GLP1R: variants seen among roughly 807,000 people sequenced by gnomAD.
GLP1R encodes glucagon-like peptide 1 receptor.
A neutral mutation model predicts 68.4 loss-of-function variants in GLP1R; 32 were observed. The observed-to-expected ratio is 0.47, with a 90% CI of 0.35 to 0.63. The LOEUF is 0.63. GLP1R is among the 20% of genes least tolerant of loss of function. GLP1R has a pLI of 0.00. For missense variants in GLP1R, 502 were observed against 594.9 expected (o/e 0.84, Z 1.62); for synonymous variants, 263 against 244.4 (o/e 1.08, Z -0.71).
chr6:39,081,279 A>T (rs1195697485), intron 12 of GLP1R, among the ~76,000 whole-genome samples: 3 of 152,186 alleles, frequency 2.0e-5, no homozygotes, highest in African/African-American at 7.2e-5. Flanking sequence ...CTTTTGGCTA[A>T]GGTGAAGTGT....
At chr6:39,072,755 C>T in intron 5 of GLP1R, 107 bp from the exon 6 acceptor site, 3 of 940,752 alleles carry the variant, frequency 3.2e-6, no homozygotes, top group African/African-American at 1.6e-5. Flanking sequence ...CACGCACAGT[C>T]CCAGGGCTGG....
intron 1 of GLP1R, among the ~76,000 whole-genome samples, chr6:39,055,474 G>A (rs1186073903): frequency 2.0e-5 from 3 of 152,172 alleles, no homozygotes; most frequent in Non-Finnish European, 2.9e-5. Flanking sequence ...AAGGAATGGT[G>A]GATTCTCAGT....
intron 5 of GLP1R, among the ~76,000 whole-genome samples, chr6:39,068,758 G>C: frequency 6.6e-6 from 1 of 151,986 alleles, no homozygotes; most frequent in East Asian, 1.9e-4. Flanking sequence ...GGTGGCCCTG[G>C]GCAGTGACTT....
At chr6:39,065,546 G>A (rs1168094811) in intron 3 of GLP1R, among the ~76,000 whole-genome samples, 165 bp from the exon 4 acceptor site, 3 of 152,208 alleles carry the variant, frequency 2.0e-5, no homozygotes, top group East Asian at 3.8e-4. Flanking sequence ...AGGTGTGTGT[G>A]TGTGTGTTTG....
chr6:39,079,001 G>A lies in GLP1R; in HGVS notation c.929G>A (p.Arg310Gln), dbSNP rs149578908. 16 of 1,614,078 alleles carry A rather than the reference G, an allele frequency of 9.9e-6. No homozygotes were observed. The highest frequency in any genetic ancestry group is 1.6e-4 in the Middle Eastern group (1 of 6,062). Residue 310 changes from arginine to glutamine, a missense_variant, in exon 9 of 13, where the codon CGG (arginine) becomes CAG (glutamine). Coordinates refer to ENST00000373256, the MANE Select transcript of GLP1R (RefSeq NM_002062.5). The surrounding 1 kb of genome is among the most constrained non-coding windows in gnomAD (Gnocchi z 4.5). The part of the protein sequence containing the change: ...NSNMNYWLII[R>Q]LPILFAIGVN... ...AACATGAACTACTGGCTCATTATCC[G>A]GCTGCCCATTCTCTTTGCCATTGGG... is the stretch of plus-strand genomic sequence containing the variant.
Position 39,073,600 on chromosome 6 carries a change from C to T in GLP1R, c.664-10C>T. 6.2e-7 allele frequency: 1 copy of T among 1,613,102 alleles called. No homozygotes were observed. Among genetic ancestry groups the T allele is most frequent in the Non-Finnish European group, 8.5e-7 (1 of 1,179,512 alleles). ...CTGTTGTCCCCATGACACCCTTCCTCTACCCCCAGGACTCTCTGAGCTGCC... is the reference window on the plus strand; with the variant it reads ...CTGTTGTCCCCATGACACCCTTCCTTTACCCCCAGGACTCTCTGAGCTGCC... On this transcript the variant is annotated splice_polypyrimidine_tract_variant and intron_variant, in intron 6 of 12. Transcript: ENST00000373256.
At chr6:39,078,811 A>G in intron 8 of GLP1R, 146 bp from the exon 9 acceptor site, 2 of 720,226 alleles carry the variant, frequency 2.8e-6, no homozygotes, top group Admixed American at 2.0e-5. Flanking sequence ...CTGTGGGTCC[A>G]TGGGACTGGT....
intron 5 of GLP1R, among the ~76,000 whole-genome samples, chr6:39,066,548 C>T (rs975667522): frequency 3.9e-5 from 6 of 152,196 alleles, no homozygotes; most frequent in African/African-American, 9.7e-5. Context: ...AAAAATACCA[C>T]GCAAGCACCA....
chr6:39,066,950 T>G (rs899541505), intron 5 of GLP1R, among the ~76,000 whole-genome samples: 1 of 152,210 alleles, frequency 6.6e-6, no homozygotes, highest in Non-Finnish European at 1.5e-5. Flanking sequence ...GGCACAGTCC[T>G]GGGCACACGG....
rs552834463 is a variant in GLP1R at position 39,061,122 on chromosome 6, G to A, written c.283+3543G>A. Among the ~76,000 whole-genome samples the A allele has an allele frequency of 2.6e-5, 4 of 152,248 alleles. No individual in the cohort carries two copies. The East Asian group carries it at 5.8e-4, about 22-fold the overall frequency. On this transcript the variant is annotated intron_variant, in intron 3 of 12. Coordinates refer to ENST00000373256, the MANE Select transcript of GLP1R (RefSeq NM_002062.5). ...GCCAGGCCACGGGCCTCGGAACTAC[G>A]CAGTGTCCTGGAGAAGCCAGCCAAG... is the stretch of plus-strand genomic sequence containing the variant.
intron 1 of GLP1R, among the ~76,000 whole-genome samples, chr6:39,055,928 C>T (rs1165782171): frequency 1.3e-5 from 2 of 152,096 alleles, no homozygotes; most frequent in African/African-American, 4.8e-5. Context: ...GGCTGTGCAC[C>T]CTTGATTCAG....
At chr6:39,066,584 T>C (rs2150828197) in intron 5 of GLP1R, among the ~76,000 whole-genome samples, 1 of 152,300 alleles carries the variant, frequency 6.6e-6, no homozygotes, top group South Asian at 2.1e-4. Context: ...TAACCGTCGG[T>C]GATGGGATTA....
chr6:39,080,486 T>C (rs1337978258), intron 11 of GLP1R, among the ~76,000 whole-genome samples: 1 of 152,210 alleles, frequency 6.6e-6, no homozygotes, highest in East Asian at 1.9e-4. Flanking sequence ...AGCTGGGGCC[T>C]GTAGCCAGGC....
rs201338954 is a variant in GLP1R at position 39,056,476 on chromosome 6, A to G, written c.158A>G (p.Asp53Gly). 8 of 1,594,264 alleles carry G rather than the reference A, an allele frequency of 5.0e-6. No individual in the cohort carries two copies. Among genetic ancestry groups the G allele is most frequent in the Admixed American group, 1.7e-5 (1 of 59,984 alleles). The change falls in exon 2 of 13, where the codon GAT (aspartate) becomes GGT (glycine). Residue 53 changes from aspartate to glycine, a missense_variant. Physicochemically the swap from Asp to Gly is moderately conservative, Grantham distance 94 (BLOSUM62 -1). Transcript: ENST00000373256. ...CAGTGCCAGCGCTCCCTGACTGAGG[A>G]TCCACCTCCTGCCACAGGTGAGTCC... ...RRQCQRSLTE[D>G]PPPATDLFCN...
In GLP1R at chr6:39,078,371, T is replaced by C. The variant is rs758906883; in HGVS notation, c.873T>C (p.Tyr291=). The change falls in exon 8 of 13, where the codon TAT becomes TAC. Residue 291 remains tyrosine, a synonymous_variant. Coordinates refer to ENST00000373256, the MANE Select transcript of GLP1R (RefSeq NM_002062.5). ...CCTGGGGCATTGTCAAGTACCTCTA[T>C]GAGGACGAGGGGTGAGTGTCCTGCT... The part of the protein sequence containing the change: ...VVPWGIVKYL[Y]EDEGCWTRNS... The C allele has an allele frequency of 2.5e-6, 4 of 1,611,002 alleles. No individual in the cohort carries two copies. Among genetic ancestry groups the C allele is most frequent in the Non-Finnish European group, 8.5e-7 (1 of 1,177,200 alleles).
Position 39,073,097 on chromosome 6 carries a change from A to G in GLP1R, c.663+82A>G, listed in dbSNP as rs1366990512. Reference sequence around the variant, plus strand: ...CTCTGCCACCCTAGACAGGCCTGGGACAGGAGAAGACAAGAGCCGAACAGT... The same window carrying G: ...CTCTGCCACCCTAGACAGGCCTGGGGCAGGAGAAGACAAGAGCCGAACAGT... On this transcript the variant is annotated intron_variant, in intron 6 of 12. Coordinates refer to ENST00000373256, the MANE Select transcript of GLP1R (RefSeq NM_002062.5). The G allele has an allele frequency of 3.1e-6, 4 of 1,304,170 alleles. No homozygotes were observed. In the Admixed American group the frequency reaches 7.5e-5, roughly 25 times the overall value. The allele number at this position is 1,304,170 out of a possible 1,614,324, so 80.8% of individuals were successfully genotyped here.
rs1422038041 is a variant in GLP1R at position 39,090,819 on chromosome 6, A to T, written c.*4746A>T. On this transcript the variant is annotated 3_prime_UTR_variant, in exon 13 of 13. Transcript: ENST00000373256. ...AAGAGCTCTCACCACAATTTGAAAC[A>T]TATAAAAAGTTGAGTTCTTTGCAGG... Among the ~76,000 whole-genome samples, 1 of 152,194 alleles carries T rather than the reference A, an allele frequency of 6.6e-6. No homozygotes were observed.
Position 39,086,190 on chromosome 6 carries a change from C to CACACACAA in GLP1R, c.*124_*125insAACACACA, listed in dbSNP as rs1769142188. On this transcript the variant is annotated 3_prime_UTR_variant, in exon 13 of 13. Transcript: ENST00000373256. The surrounding 1 kb of genome is among the most constrained non-coding windows in gnomAD (Gnocchi z 4.5). ...GGACACACACACACACACACACACA[C>CACACACAA]ACACACACACACACATACATCCTGC... 4.2e-6 allele frequency: 3 copies of CACACACAA among 715,122 alleles called. No individual in the cohort carries two copies. The highest frequency in any genetic ancestry group is 5.2e-5 in the Admixed American group (2 of 38,224). 44.3% of individuals were successfully genotyped at this position (715,122 alleles called of 1,614,324 possible). A position where few individuals can be genotyped will look rare whatever the true frequency, so the allele number is the denominator to read the frequency against.
chr6:39,052,766 T>C (rs2268657), intron 1 of GLP1R, among the ~76,000 whole-genome samples: 65,260 of 151,982 alleles, frequency 0.43, 14,534 homozygotes, highest in East Asian at 0.67. Flanking sequence ...TCTGTGCAGT[T>C]TGAGAAGAAT....
Sources: gnomAD v4.1 joint callset for allele counts (sites outside exome capture counted in the v4.1 genomes callset) on GRCh38, gnomAD v4.1.1 for gene constraint, Gnocchi (gnomAD v3.1) non-coding constraint, MANE v1.5 for transcripts, NCBI Gene and HGNC (gene_info 2026-07-23, HGNC 2026-07-21) for gene names.